Variants in GSDME observed in about 807,000 individuals in gnomAD.
GSDME encodes gasdermin E.
GSDME carries 44 observed loss-of-function variants against 47.5 expected under a neutral mutation model. The observed-to-expected ratio is 0.93, with a 90% CI of 0.73 to 1.19. The LOEUF is 1.19. Among genes scored for constraint, GSDME ranks in the 50% most tolerant of loss-of-function variants. The pLI is 0.00. For missense variants in GSDME, 663 were observed against 604.2 expected, an observed-to-expected ratio of 1.10 and a Z score of -1.02; for synonymous variants, 258 against 252.8, an observed-to-expected ratio of 1.02 and a Z score of -0.20.
intron 3 of GSDME, among the ~76,000 whole-genome samples, chr7:24,729,603 C>T (rs986008422): frequency 4.6e-5 from 7 of 152,348 alleles, no homozygotes; most frequent in South Asian, 4.1e-4. Flanking sequence ...AGAAGTGAGT[C>T]TGTGTGTGTC....
chr7:24,706,845 ACCCCGCCAATTCTGCAC>A (rs1366964548), intron 7 of GSDME, among the ~76,000 whole-genome samples: 11 of 140,458 alleles, frequency 7.8e-5, no homozygotes, highest in Non-Finnish European at 1.8e-4. Flanking sequence ...AGTTCGGACC[ACCCCGCCAATTCTGCAC>A]CACCCACAGC....
At chr7:24,707,371 C>T (rs1269204423) in intron 7 of GSDME, 3 of 471,430 alleles carry the variant, frequency 6.4e-6, no homozygotes, top group South Asian at 4.6e-5. Flanking sequence ...GTGTGGCTCT[C>T]ACCATTTGTA....
At chr7:24,759,434 C>T (rs533404471), upstream of GSDME, among the ~76,000 whole-genome samples, 36 of 151,946 alleles carry the variant, frequency 2.4e-4, no homozygotes, top group Admixed American at 2.6e-4. Flanking sequence ...ATTAAATGCC[C>T]GAGGAAGATA....
At chr7:24,701,979 T>C (rs1025208350) in intron 9 of GSDME, among the ~76,000 whole-genome samples, 7 of 152,246 alleles carry the variant, frequency 4.6e-5, no homozygotes. Context: ...TTCCCAGATC[T>C]GACAGCAGAG....
At chr7:24,699,369 G>C (rs1349595442) in intron 9 of GSDME, 110 bp from the exon 10 acceptor site, 1 of 764,614 alleles carries the variant, frequency 1.3e-6, no homozygotes, top group Non-Finnish European at 2.3e-6. Flanking sequence ...TTGAGATGGA[G>C]TCTTGCTCTG....
the GSDME span, among the ~76,000 whole-genome samples, chr7:24,774,705 G>C: frequency 5.9e-5 from 9 of 152,024 alleles, no homozygotes; most frequent in East Asian, 1.7e-3. Context: ...GCTAATTTTT[G>C]TATTTTTAGT....
intron 9 of GSDME, among the ~76,000 whole-genome samples, chr7:24,700,712 T>G: frequency 6.6e-6 from 1 of 152,212 alleles, no homozygotes; most frequent in East Asian, 1.9e-4. Flanking sequence ...ACGTTACCAT[T>G]AGGCTCAGAC....
At position 24,757,107 on chromosome 7, in the gene GSDME, G is replaced by A. The variant is rs988094320; in HGVS notation, c.-20+289C>T. On this transcript the variant is annotated intron_variant, in intron 1 of 9. Coordinates refer to ENST00000645220, the MANE Select transcript of GSDME (RefSeq NM_001127453.2). The surrounding 1 kb of genome is among the most constrained non-coding windows in gnomAD (Gnocchi z 5.9). The stretch of plus-strand genomic sequence containing the variant: ...CAAGGAAGGAAGTGGCAGCGGGGAC[G>A]GGGAGAGGATGGGAAGGGGATGCTG... 3.3e-5 allele frequency among the ~76,000 whole-genome samples: 5 copies of A among 152,192 alleles called. No homozygotes were observed. Among genetic ancestry groups the A allele is most frequent in the African/African-American group, 9.6e-5 (4 of 41,458 alleles).
intron 6 of GSDME, among the ~76,000 whole-genome samples, chr7:24,709,552 G>C (rs184384508): frequency 6.6e-6 from 1 of 151,870 alleles, no homozygotes; most frequent in African/African-American, 2.4e-5. Context: ...AAGCCAGCGC[G>C]CACACGGAGC....
Position 24,745,474 on chromosome 7 carries a change from C to A in GSDME, c.212-720G>T, listed in dbSNP as rs1336691715. On this transcript the variant is annotated intron_variant, in intron 2 of 9. Transcript: ENST00000645220. This position sits in a 1 kb window ranked among gnomAD's most constrained non-coding sequence, Gnocchi z 4.4. ...CATTCAATTCCTCATCATATAATTC[C>A]TTATCTCTGACTTCCTGATAAGGTC... is the stretch of plus-strand genomic sequence containing the variant. Among the ~76,000 whole-genome samples the A allele has an allele frequency of 2.0e-5, 3 of 152,184 alleles. No homozygotes were observed.
Position 24,725,530 on chromosome 7 carries a change from G to C in GSDME, c.405-6312C>G, listed in dbSNP as rs949701032. ...CTCCTGTCTCAAGAGCCAAGCTCTT[G>C]AGTGAGCAATTCCTGTCCCGTTTAA... On this transcript the variant is annotated intron_variant, in intron 3 of 9. Transcript: ENST00000645220. This position sits in a 1 kb window ranked among gnomAD's most constrained non-coding sequence, Gnocchi z 5.1. Among the ~76,000 whole-genome samples the C allele has an allele frequency of 5.9e-4, 90 of 152,224 alleles. No individual in the cohort carries two copies. The highest frequency in any genetic ancestry group is 2.1e-3 in the African/African-American group (87 of 41,528).
Position 24,719,122 on chromosome 7 carries a change from CT to C in GSDME, c.500del (p.Lys167SerfsTer3). 1 of 1,613,984 alleles carries C rather than the reference CT, an allele frequency of 6.2e-7. No individual in the cohort carries two copies. Among genetic ancestry groups the C allele is most frequent in the South Asian group, 1.1e-5 (1 of 91,076 alleles). Reference protein sequence around the residue: ...VLTQKITTMQKCVISEHMQVE... With the variant: ...VLTQKITTMQXCVISEHMQVE... Reference sequence around the variant, plus strand: ...CCTGCATGTGCTCAGAGATCACACACTTCTGCATCGTCGTGATCTTCTGTGT... The same window carrying C: ...CCTGCATGTGCTCAGAGATCACACACTCTGCATCGTCGTGATCTTCTGTGT... On this transcript the variant is annotated frameshift_variant, in exon 4 of 10. Coordinates refer to ENST00000645220, the MANE Select transcript of GSDME (RefSeq NM_001127453.2). LOFTEE classifies it high-confidence loss of function.
chr7:24,703,243 A>G (rs1788953709), intron 8 of GSDME: 2 of 334,620 alleles, frequency 6.0e-6, no homozygotes, highest in African/African-American at 2.1e-5. Flanking sequence ...CTCATTTACC[A>G]TAGTTGTTTT....
At chr7:24,715,552 C>G (rs1436496176) in intron 5 of GSDME, 1 of 467,242 alleles carries the variant, frequency 2.1e-6, no homozygotes, top group Non-Finnish European at 4.4e-6. Flanking sequence ...TGGACAGGAC[C>G]ACCAAGGCAG....
At chr7:24,751,058 T>A (rs756232861) in intron 1 of GSDME, among the ~76,000 whole-genome samples, 28 of 152,196 alleles carry the variant, frequency 1.8e-4, no homozygotes, top group Non-Finnish European at 3.7e-4. Flanking sequence ...AATCGCAGGA[T>A]GAGAAGGGCC....
At chr7:24,785,687 C>T in the GSDME span, among the ~76,000 whole-genome samples, 1 of 152,208 alleles carries the variant, frequency 6.6e-6, no homozygotes, top group African/African-American at 2.4e-5. Flanking sequence ...GATCTCCTGA[C>T]CTCATGATCC....
the GSDME span, among the ~76,000 whole-genome samples, chr7:24,778,223 G>A: frequency 5.3e-5 from 8 of 151,798 alleles, no homozygotes; most frequent in Admixed American, 2.0e-4. This position sits in a 1 kb window ranked among gnomAD's most constrained non-coding sequence, Gnocchi z 5.6. Flanking sequence ...CCAGGTTAGA[G>A]CTAGCAATCA....
the GSDME span, among the ~76,000 whole-genome samples, chr7:24,783,684 A>C: frequency 2.0e-5 from 3 of 152,078 alleles, no homozygotes; most frequent in Non-Finnish European, 4.4e-5. Context: ...CAGGGGCTCC[A>C]TTCTAAGAGT....
chr7:24,765,876 T>C, the GSDME span, among the ~76,000 whole-genome samples: 4 of 152,190 alleles, frequency 2.6e-5, no homozygotes, highest in South Asian at 4.1e-4. Context: ...ATTTTACAGA[T>C]GGCAAAAACT....
Sources: gnomAD v4.1 joint callset for allele counts (sites outside exome capture counted in the v4.1 genomes callset) on GRCh38, gnomAD v4.1.1 for gene constraint, Gnocchi (gnomAD v3.1) non-coding constraint, MANE v1.5 for transcripts, NCBI Gene and HGNC (gene_info 2026-07-23, HGNC 2026-07-21) for gene names.